Variants in USH2A observed in about 807,000 individuals in gnomAD.
The protein encoded by USH2A is usherin.
A neutral mutation model predicts 538.9 loss-of-function variants in USH2A; 443 were observed. The observed-to-expected ratio is 0.82, with a 90% CI of 0.76 to 0.89. The LOEUF (loss-of-function observed/expected upper bound fraction) is 0.89. USH2A is among the 40% of genes least tolerant of loss of function. The pLI is 0.00. For synonymous variants in USH2A, 2,413 were observed against 2,273.5 expected (o/e 1.06, Z -1.75); for missense variants, 6,633 against 6,324.8 (o/e 1.05, Z -1.65).
At chr1:216,028,235 A>T (rs1669015282) in intron 32 of USH2A, among the ~76,000 whole-genome samples, 1 of 152,018 alleles carries the variant, frequency 6.6e-6, no homozygotes, top group South Asian at 2.1e-4. Context: ...TAAAAGTACA[A>T]AAATTAGCTG....
intron 55 of USH2A, among the ~76,000 whole-genome samples, chr1:215,767,883 T>A (rs1661176338): frequency 6.6e-6 from 1 of 152,172 alleles, no homozygotes; most frequent in African/African-American, 2.4e-5. Flanking sequence ...CTTGGGAAAG[T>A]TCAAACAATG....
At chr1:215,909,615 GA>G (rs1665725355) in intron 38 of USH2A, among the ~76,000 whole-genome samples, 1 of 151,768 alleles carries the variant, frequency 6.6e-6, no homozygotes, top group Non-Finnish European at 1.5e-5. Context: ...CATTTAATGA[GA>G]AAAAAAGAAG....
intron 21 of USH2A, among the ~76,000 whole-genome samples, chr1:216,107,251 G>A (rs1002238911): frequency 6.6e-6 from 1 of 151,660 alleles, no homozygotes; most frequent in African/African-American, 2.4e-5. Context: ...AAATATAGAA[G>A]GGAATTTGTC....
At chr1:215,635,531 T>TTTTATTTA (rs35379579) in intron 69 of USH2A, among the ~76,000 whole-genome samples, 17,500 of 142,014 alleles carry the variant, frequency 0.12, 1,183 homozygotes, top group Non-Finnish European at 0.14. Context: ...GTAGGATTAT[T>TTTTATTTA]TTTATTTATT....
intron 71 of USH2A, 21 bp downstream of exon 71, chr1:215,628,793 T>C: frequency 6.2e-7 from 1 of 1,612,892 alleles, no homozygotes; most frequent in Non-Finnish European, 8.5e-7. Context: ...GCAAAGGCCC[T>C]GTATGAGGAA....
At chr1:216,289,448 T>C in intron 10 of USH2A, 38 bp from the exon 11 acceptor site, 1 of 1,612,884 alleles carries the variant, frequency 6.2e-7, no homozygotes, top group Non-Finnish European at 8.5e-7. Context: ...GACTTCTAAT[T>C]CATTAAAATC....
At chr1:216,392,626 G>A (rs917956900) in intron 3 of USH2A, among the ~76,000 whole-genome samples, 2 of 151,558 alleles carry the variant, frequency 1.3e-5, no homozygotes, top group African/African-American at 4.9e-5. Flanking sequence ...GAACTATGAA[G>A]GTACATGAAA....
chr1:216,105,273 T>C (rs2032702549), intron 21 of USH2A, among the ~76,000 whole-genome samples: 1 of 152,130 alleles, frequency 6.6e-6, no homozygotes, highest in Non-Finnish European at 1.5e-5. Context: ...TCTAGAAGCT[T>C]TATAATTTCA....
chr1:215,879,350 C>A (rs1381220765), intron 41 of USH2A, among the ~76,000 whole-genome samples: 1 of 152,192 alleles, frequency 6.6e-6, no homozygotes. Context: ...CAGACTGATA[C>A]ACACCTTAGC....
intron 30 of USH2A, among the ~76,000 whole-genome samples, chr1:216,050,339 C>T (rs549049803): frequency 4.6e-5 from 7 of 152,096 alleles, no homozygotes; most frequent in African/African-American, 7.2e-5. Flanking sequence ...ATAATAATCT[C>T]GGTCTTGAAG....
chr1:216,019,851 G>A (rs923349139), intron 32 of USH2A, among the ~76,000 whole-genome samples: 2 of 152,148 alleles, frequency 1.3e-5, no homozygotes, highest in African/African-American at 4.8e-5. Flanking sequence ...GTAAGGTTAG[G>A]TTGTAAATAA....
chr1:215,858,389 G>A (rs751789050), intron 44 of USH2A, among the ~76,000 whole-genome samples: 15 of 151,252 alleles, frequency 9.9e-5, no homozygotes, highest in Non-Finnish European at 1.8e-4. Context: ...ATTGGATTAC[G>A]GGGGTGGTTT....
At chr1:216,277,581 C>T (rs2036695136) in intron 11 of USH2A, among the ~76,000 whole-genome samples, 1 of 152,076 alleles carries the variant, frequency 6.6e-6, no homozygotes, top group South Asian at 2.1e-4. Flanking sequence ...TCTTGGGCTA[C>T]CTTCTGTTGC....
intron 19 of USH2A, among the ~76,000 whole-genome samples, chr1:216,195,493 G>A (rs1484312540): frequency 1.3e-5 from 2 of 152,128 alleles, no homozygotes; most frequent in Admixed American, 1.3e-4. Flanking sequence ...AAACAGCAGA[G>A]CGAAGAAATC....
chr1:216,069,907 C>T (rs1445644397), intron 30 of USH2A, among the ~76,000 whole-genome samples, 194 bp downstream of exon 30: 1 of 152,104 alleles, frequency 6.6e-6, no homozygotes, highest in Non-Finnish European at 1.5e-5. Flanking sequence ...AGAGCCCATG[C>T]GCATTGTAGA....
At chr1:215,985,629 T>A (rs1013789511) in intron 35 of USH2A, among the ~76,000 whole-genome samples, 4 of 152,170 alleles carry the variant, frequency 2.6e-5, no homozygotes, top group Non-Finnish European at 5.9e-5. Flanking sequence ...TTACTAATGT[T>A]ATTATTGTTA....
chr1:215,691,510 C>T (rs1416514616), intron 61 of USH2A, among the ~76,000 whole-genome samples: 2 of 152,210 alleles, frequency 1.3e-5, no homozygotes, highest in African/African-American at 4.8e-5. Flanking sequence ...TGAGTAACTT[C>T]AGCTCATCTT....
intron 47 of USH2A, among the ~76,000 whole-genome samples, chr1:215,827,691 T>C (rs894274267): frequency 4.6e-5 from 7 of 152,160 alleles, no homozygotes; most frequent in African/African-American, 1.7e-4. Context: ...TTCAAGGTTC[T>C]ACCCATATCC....
chr1:216,037,450 T>C (rs1044203844), intron 32 of USH2A, among the ~76,000 whole-genome samples: 6 of 152,142 alleles, frequency 3.9e-5, no homozygotes, highest in African/African-American at 1.4e-4. Context: ...CTGGTCCACT[T>C]TTGCTTTGAG....
Sources: gnomAD v4.1 joint callset for allele counts (sites outside exome capture counted in the v4.1 genomes callset) on GRCh38, gnomAD v4.1.1 for gene constraint, MANE v1.5 for transcripts, NCBI Gene and HGNC (gene_info 2026-07-23, HGNC 2026-07-21) for gene names.